CCL25: variants seen among roughly 807,000 people sequenced by gnomAD.
CCL25 encodes C-C motif chemokine 25.
CCL25 carries 14 observed loss-of-function variants against 19.9 expected under a neutral mutation model. The ratio of observed to expected loss-of-function variants is 0.70; its 90% CI spans 0.47 to 1.10. The LOEUF is 1.10. CCL25 is among the 50% of genes least tolerant of loss of function. CCL25 has a pLI of 0.00. For synonymous variants in CCL25, 68 were observed against 73.2 expected (o/e 0.93, Z 0.36); for missense variants, 151 against 181.2 (o/e 0.83, Z 0.96).
At chr19:8,057,686 C>T in intron 4 of CCL25, 115 bp from the exon 5 acceptor site, 1 of 1,418,154 alleles carries the variant, frequency 7.1e-7, no homozygotes, top group Non-Finnish European at 9.3e-7. Context: ...AAAGCTCAAG[C>T]ACATGGGAGA....
chr19:8,062,282 A>G lies in CCL25; in HGVS notation c.*57A>G, dbSNP rs1302424518. On this transcript the variant is annotated 3_prime_UTR_variant, in exon 6 of 6. Coordinates refer to ENST00000315626, the MANE Select transcript of CCL25 (RefSeq NM_005624.4). ...GAGGGGCCGGATCTTTCTCCGATAAAACCGTCGCCCTACAGACCCAGCTGT... is the reference window on the plus strand; with the variant it reads ...GAGGGGCCGGATCTTTCTCCGATAAGACCGTCGCCCTACAGACCCAGCTGT... 1.2e-6 allele frequency: 2 copies of G among 1,605,692 alleles called. No individual in the cohort carries two copies. The highest frequency in any genetic ancestry group is 1.7e-6 in the Non-Finnish European group (2 of 1,173,932).
chr19:8,060,982 A>AT (rs68112327), intron 5 of CCL25, among the ~76,000 whole-genome samples: 2,908 of 95,082 alleles, frequency 0.031, 141 homozygotes, highest in Admixed American at 0.047. Context: ...GCCCGGCCTA[A>AT]TTTTTTTTTT....
intron 4 of CCL25, among the ~76,000 whole-genome samples, chr19:8,057,478 C>T (rs892470017): frequency 3.9e-5 from 6 of 151,990 alleles, no homozygotes; most frequent in African/African-American, 1.5e-4. Flanking sequence ...TACAGGCACA[C>T]ACCACCATGC....
chr19:8,057,400 T>A (rs918638), intron 4 of CCL25, among the ~76,000 whole-genome samples: 126,787 of 151,974 alleles, frequency 0.83, 53,053 homozygotes, highest in South Asian at 0.92. Flanking sequence ...CACAATCACA[T>A]CTCACTGCAG....
chr19:8,062,168 T>C (rs777120845), intron 5 of CCL25, 50 bp from the exon 6 acceptor site: 1 of 1,603,692 alleles, frequency 6.2e-7, no homozygotes, highest in South Asian at 1.1e-5. Context: ...ATAGTTACTA[T>C]TATTTTACAG....
intron 5 of CCL25, among the ~76,000 whole-genome samples, 182 bp from the exon 6 acceptor site, chr19:8,062,036 G>A (rs376686103): frequency 2.3e-5 from 3 of 128,948 alleles, no homozygotes; most frequent in Admixed American, 8.8e-5. Context: ...GCGACAGAGC[G>A]AGACTGTCTC....
At chr19:8,054,228 C>T (rs1277302210) in intron 2 of CCL25, among the ~76,000 whole-genome samples, 1 of 152,218 alleles carries the variant, frequency 6.6e-6, no homozygotes, top group Non-Finnish European at 1.5e-5. Flanking sequence ...ACCCACCTGC[C>T]CCTCGGCTGG....
At chr19:8,060,982 A>ATTT (rs68112327) in intron 5 of CCL25, among the ~76,000 whole-genome samples, 21,028 of 95,020 alleles carry the variant, frequency 0.22, 3,029 homozygotes, top group Non-Finnish European at 0.26. Flanking sequence ...GCCCGGCCTA[A>ATTT]TTTTTTTTTT....
At position 8,057,861 on chromosome 19, in the gene CCL25, T is replaced by G; in HGVS notation, c.386T>G (p.Phe129Cys). The change falls in exon 5 of 6, where the codon TTT becomes TGT. Residue 129 changes from phenylalanine to cysteine, a missense_variant. Phe to Cys is a radical substitution (Grantham distance 205, BLOSUM62 -2). Transcript: ENST00000315626. Reference protein sequence around the residue: ...SGNSKLSSSKFSNPISSSKRN... With the variant: ...SGNSKLSSSKCSNPISSSKRN... ...AACTCCAAGTTATCATCGTCCAAGT[T>G]TAGCAATCCCATCAGCAGCAGTAAG... 1 of 1,613,574 alleles carries G rather than the reference T, an allele frequency of 6.2e-7. No homozygotes were observed. The highest frequency in any genetic ancestry group is 8.5e-7 in the Non-Finnish European group (1 of 1,179,606).
chr19:8,053,072 G>T lies in CCL25; in HGVS notation c.23G>T (p.Cys8Phe). 6.4e-7 allele frequency: 1 copy of T among 1,554,800 alleles called. No individual in the cohort carries two copies. Residue 8 changes from cysteine to phenylalanine, a missense_variant, in exon 2 of 6, where the codon TGC (cysteine) becomes TTC (phenylalanine). By Grantham distance (205) the Cys-to-Phe change is radical. Transcript: ENST00000315626. MNLWLLACLVAGFLGAWA... is the reference protein window; with the variant it reads MNLWLLAFLVAGFLGAWA... ...AGCATGAACCTGTGGCTCCTGGCCT[G>T]CCTGGTGGCCGGCTTCCTGGGAGCC...
rs1568334064 is a variant in CCL25 at position 8,056,287 on chromosome 19, G to A, written c.191+18G>A. On this transcript the variant is annotated intron_variant, in intron 3 of 5. Transcript: ENST00000315626. ...GCTGCGATGTGAGTGGGGCCGTGGG[G>A]GCTGGGGGGGTGGGGTGCACACACA... 4 of 1,591,108 alleles carry A rather than the reference G, an allele frequency of 2.5e-6. No individual in the cohort carries two copies. Among genetic ancestry groups the A allele is most frequent in the Admixed American group, 1.7e-5 (1 of 59,076 alleles).
At chr19:8,058,344 A>AAT (rs34200206) in intron 5 of CCL25, among the ~76,000 whole-genome samples, 1 of 86,600 alleles carries the variant, frequency 1.2e-5, no homozygotes, top group Non-Finnish European at 2.5e-5. Flanking sequence ...AAATATATAT[A>AAT]ATATATATAA....
chr19:8,055,388 T>G (rs894436222), intron 2 of CCL25, among the ~76,000 whole-genome samples: 8 of 148,372 alleles, frequency 5.4e-5, no homozygotes, highest in Admixed American at 3.4e-4. Flanking sequence ...CAGGCTGGAG[T>G]GCAGTGGCGC....
intron 5 of CCL25, among the ~76,000 whole-genome samples, chr19:8,059,120 A>ATGT (rs1568335982): frequency 1.0e-3 from 105 of 105,334 alleles, no homozygotes; most frequent in Non-Finnish European, 1.5e-3. Context: ...ATAATATATA[A>ATGT]ATATATATAA....
chr19:8,054,852 T>C (rs561265833), intron 2 of CCL25, among the ~76,000 whole-genome samples: 5 of 151,928 alleles, frequency 3.3e-5, no homozygotes, highest in African/African-American at 9.6e-5. Context: ...GTTTGGTTGG[T>C]GTTTTGTTTT....
chr19:8,052,997 C>A lies in CCL25; in HGVS notation c.-50-3C>A. On this transcript the variant is annotated splice_region_variant and splice_polypyrimidine_tract_variant and intron_variant, in intron 1 of 5. Transcript: ENST00000315626. Reference sequence around the variant, plus strand: ...TCCTTACCACTTCCCTCCACGACCCCAGGTGGCCCCGTTATTCGTCCAGGT... The same window carrying A: ...TCCTTACCACTTCCCTCCACGACCCAAGGTGGCCCCGTTATTCGTCCAGGT... The A allele has an allele frequency of 7.5e-7, 1 of 1,326,398 alleles. No homozygotes were observed. Among genetic ancestry groups the A allele is most frequent in the Non-Finnish European group, 1.1e-6 (1 of 950,718 alleles). 82.2% of individuals were successfully genotyped at this position (1,326,398 alleles called of 1,614,324 possible).
chr19:8,057,685 G>A (rs529746292), intron 4 of CCL25, 116 bp from the exon 5 acceptor site: 42 of 1,417,120 alleles, frequency 3.0e-5, no homozygotes, highest in African/African-American at 4.3e-5. Flanking sequence ...GAAAGCTCAA[G>A]CACATGGGAG....
intron 5 of CCL25, 92 bp downstream of exon 5, chr19:8,058,012 C>T: frequency 2.6e-6 from 4 of 1,528,804 alleles, no homozygotes; most frequent in Non-Finnish European, 3.5e-6. Context: ...ACAGGAGATT[C>T]ACCTCCAGGA....
intron 5 of CCL25, among the ~76,000 whole-genome samples, chr19:8,058,254 CT>C (rs1663412914): frequency 7.2e-6 from 1 of 138,790 alleles, no homozygotes; most frequent in Non-Finnish European, 1.6e-5. Context: ...GTGTCTCTCT[CT>C]ATATATACAT....
Sources: allele counts gnomAD v4.1 joint callset (sites outside exome capture counted in the v4.1 genomes callset), GRCh38; gene constraint gnomAD v4.1.1; transcripts MANE v1.5; gene names NCBI Gene and HGNC (gene_info 2026-07-23, HGNC 2026-07-21).